The following NUGGC variants were observed in gnomAD, a reference collection of about 807,000 sequenced individuals.
NUGGC encodes nuclear GTPase SLIP-GC.
In NUGGC, 58 loss-of-function variants were observed where a neutral mutation model predicts 92.6. The observed-to-expected ratio is 0.63, with a 90% CI of 0.51 to 0.78. NUGGC has a LOEUF of 0.78. Ranked by LOEUF, NUGGC falls within the 30% of genes least tolerant of loss-of-function variation. NUGGC has a pLI of 0.00. For missense variants in NUGGC, 925 were observed against 964.6 expected (o/e 0.96, Z 0.54); for synonymous variants, 376 against 366.4 (o/e 1.03, Z -0.30).
At chr8:28,081,987 T>C (rs1466808216) in intron 1 of NUGGC, among the ~76,000 whole-genome samples, 1 of 152,186 alleles carries the variant, frequency 6.6e-6, no homozygotes, top group Admixed American at 6.5e-5. Context: ...TGATAGAATG[T>C]TGATGAAATT....
At chr8:28,078,596 C>T (rs764385223) in intron 1 of NUGGC, among the ~76,000 whole-genome samples, 19 of 152,136 alleles carry the variant, frequency 1.2e-4, no homozygotes, top group Non-Finnish European at 2.1e-4. Flanking sequence ...CTGAACTAGT[C>T]CTTAAAGTGT....
rs537103133 is a variant in NUGGC, at chr8:28,074,549, T to A, written c.-46-93A>T. On this transcript the variant is annotated intron_variant, in intron 1 of 18. Transcript: ENST00000413272. ...GATGTGTCAGTCTGCTTGTGCGGTA[T>A]TTCTGCCCATTCCAACGTATCTCTG... The A allele has an allele frequency of 2.1e-5, 16 of 762,668 alleles. 1 individual carries two copies. The South Asian group carries it at 2.2e-4, about 11-fold the overall frequency. 47.2% of individuals were successfully genotyped at this position (762,668 alleles called of 1,614,324 possible). A position where few individuals can be genotyped will look rare whatever the true frequency, so the allele number is the denominator to read the frequency against.
At position 28,069,600 on chromosome 8, in the gene NUGGC, T is replaced by C. The variant is rs1324105048; in HGVS notation, c.201A>G (p.Lys67=). The C allele has an allele frequency of 2.5e-6, 4 of 1,612,476 alleles. No homozygotes were observed. The South Asian group carries it at 4.4e-5, about 18-fold the overall frequency. ...CATCCAGGAAGACAGACTGAATAAG[T>C]TTCTGATAAGTGTTGCTCAAAACCC... The part of the protein sequence containing the change: ...TRRVLSNTYQ[K]LIQSVFLDDS... The change falls in exon 4 of 19, where the codon AAA becomes AAG. Residue 67 remains lysine, a synonymous_variant. Coordinates refer to ENST00000413272, the MANE Select transcript of NUGGC (RefSeq NM_001010906.2).
intron 11 of NUGGC, among the ~76,000 whole-genome samples, chr8:28,045,959 A>G (rs1809822330): frequency 6.6e-6 from 1 of 152,228 alleles, no homozygotes; most frequent in African/African-American, 2.4e-5. Context: ...TTGAACAGCT[A>G]TCACCTGCAG....
At position 28,045,494 on chromosome 8, in the gene NUGGC, G is replaced by C. The variant is rs1437737404; in HGVS notation, c.1446+33C>G. The C allele has an allele frequency of 3.8e-6, 6 of 1,599,924 alleles. No homozygotes were observed. In the South Asian group the frequency reaches 6.8e-5, roughly 18 times the overall value. On this transcript the variant is annotated intron_variant, in intron 12 of 18. Transcript: ENST00000413272. ...AAAAGGAAATGTCCTGCCCAGGAAG[G>C]GGGAGAATATGAAAACCCAGTGTCT...
chr8:28,067,005 G>A (rs1810454668), intron 6 of NUGGC, among the ~76,000 whole-genome samples: 1 of 152,208 alleles, frequency 6.6e-6, no homozygotes, highest in South Asian at 2.1e-4. Context: ...AAGGGGAGAT[G>A]TGGCTGATGC....
At chr8:28,059,180 G>A (rs1810228706) in intron 8 of NUGGC, among the ~76,000 whole-genome samples, 1 of 152,160 alleles carries the variant, frequency 6.6e-6, no homozygotes, top group Non-Finnish European at 1.5e-5. Flanking sequence ...TGGGTGTGGA[G>A]GAAATGGTGG....
chr8:28,070,986 C>A (rs1157657129), intron 2 of NUGGC, among the ~76,000 whole-genome samples: 1 of 151,348 alleles, frequency 6.6e-6, no homozygotes, highest in Non-Finnish European at 1.5e-5. Context: ...AAGACCCTGT[C>A]TCAAAAAATA....
chr8:28,033,457 G>T (rs1809473110), intron 14 of NUGGC, 83 bp downstream of exon 14: 3 of 1,335,758 alleles, frequency 2.2e-6, no homozygotes, highest in Non-Finnish European at 3.1e-6. Flanking sequence ...TACACTTACA[G>T]ATCCAAAGTC....
At chr8:28,032,445 C>T (rs544436458) in intron 14 of NUGGC, among the ~76,000 whole-genome samples, 2 of 152,152 alleles carry the variant, frequency 1.3e-5, no homozygotes, top group African/African-American at 2.4e-5. Context: ...CAGCCGGGCG[C>T]GGTGGCTCAT....
At chr8:28,070,445 C>T (rs1563231220) in intron 2 of NUGGC, 89 bp from the exon 3 acceptor site, 7 of 685,834 alleles carry the variant, frequency 1.0e-5, no homozygotes, top group Non-Finnish European at 1.8e-5. Context: ...CTCAAAGGGT[C>T]TAACAGACTG....
chr8:28,032,723 GAAAAA>G (rs61015850), intron 14 of NUGGC, among the ~76,000 whole-genome samples: 1 of 87,826 alleles, frequency 1.1e-5, no homozygotes. Flanking sequence ...TCCATCTCAA[GAAAAA>G]AAAAAAAAAA....
chr8:28,059,297 C>G lies in NUGGC; in HGVS notation c.1098-1021G>C, dbSNP rs148856614. Among the ~76,000 whole-genome samples the G allele has an allele frequency of 2.2e-3, 341 of 152,250 alleles. 1 individual carries two copies. Among genetic ancestry groups the G allele is most frequent in the African/African-American group, 7.8e-3 (325 of 41,526 alleles). On this transcript the variant is annotated intron_variant, in intron 8 of 18. Coordinates refer to ENST00000413272, the MANE Select transcript of NUGGC (RefSeq NM_001010906.2). ...GAAAGCCCAGTTTATACCCGCTGAT[C>G]CCCTCTAAGGACTAATCATACCCCC...
intron 13 of NUGGC, among the ~76,000 whole-genome samples, chr8:28,037,485 G>C (rs935237293): frequency 3.9e-5 from 6 of 152,108 alleles, no homozygotes; most frequent in African/African-American, 1.2e-4. Flanking sequence ...CTCTCTAGAA[G>C]GTTTATTGGA....
chr8:28,046,935 C>T (rs982909775), intron 11 of NUGGC, among the ~76,000 whole-genome samples: 3 of 151,952 alleles, frequency 2.0e-5, no homozygotes, highest in Non-Finnish European at 4.4e-5. Context: ...TCCCAAAGTG[C>T]TGGGATTACA....
At chr8:28,059,548 G>A (rs1017825293) in intron 8 of NUGGC, among the ~76,000 whole-genome samples, 2 of 152,168 alleles carry the variant, frequency 1.3e-5, no homozygotes, top group African/African-American at 4.8e-5. Flanking sequence ...GGAGTCTCTG[G>A]CTGGGGATGC....
intron 6 of NUGGC, among the ~76,000 whole-genome samples, chr8:28,064,957 T>C (rs1394631166): frequency 6.6e-6 from 1 of 152,156 alleles, no homozygotes; most frequent in African/African-American, 2.4e-5. Flanking sequence ...AAAACCAATG[T>C]CAGCTAAAAT....
intron 16 of NUGGC, among the ~76,000 whole-genome samples, chr8:28,029,934 A>G (rs1348102602): frequency 6.6e-6 from 1 of 152,038 alleles, no homozygotes; most frequent in East Asian, 1.9e-4. Flanking sequence ...ATCACTCCCT[A>G]CCCCTCAAAC....
intron 13 of NUGGC, 66 bp from the exon 14 acceptor site, chr8:28,033,763 A>T: frequency 7.2e-7 from 1 of 1,388,348 alleles, no homozygotes. Context: ...TTAGAATTGC[A>T]TTGCCCTGGC....
Sources: gnomAD v4.1 joint callset for allele counts (sites outside exome capture counted in the v4.1 genomes callset) on GRCh38, gnomAD v4.1.1 for gene constraint, MANE v1.5 for transcripts, NCBI Gene and HGNC (gene_info 2026-07-23, HGNC 2026-07-21) for gene names.